The following ATM variants were observed in gnomAD, a reference collection of about 807,000 sequenced individuals.
ATM encodes ATM serine/threonine kinase.
In ATM, 308 loss-of-function variants were observed where a neutral mutation model predicts 387.0. The observed-to-expected ratio is 0.80, with a 90% CI of 0.73 to 0.87. The LOEUF (loss-of-function observed/expected upper bound fraction) is 0.87, where lower values mean the gene tolerates loss of function less well. Ranked by LOEUF, ATM falls within the 40% of genes least tolerant of loss-of-function variation. The pLI is 0.00. For missense variants in ATM, 3,312 were observed against 3,560.9 expected (o/e 0.93, Z 1.78); for synonymous variants, 1,156 against 1,187.3 (o/e 0.97, Z 0.54).
chr11:108,320,152 C>T, intron 44 of ATM, 94 bp downstream of exon 44: 1 of 967,576 alleles, frequency 1.0e-6, no homozygotes, highest in South Asian at 1.4e-5. Flanking sequence ...TAAGGATTTG[C>T]ATTGATGAAG....
At chr11:108,335,651 T>G (rs1279288505) in intron 55 of ATM, among the ~76,000 whole-genome samples, 194 bp from the exon 56 acceptor site, 1 of 152,166 alleles carries the variant, frequency 6.6e-6, no homozygotes, top group Non-Finnish European at 1.5e-5. Flanking sequence ...GAGGGGAAAC[T>G]TTCTAAATCA....
chr11:108,342,420 A>G (rs970058326), intron 56 of ATM, among the ~76,000 whole-genome samples: 1 of 152,210 alleles, frequency 6.6e-6, no homozygotes, highest in Non-Finnish European at 1.5e-5. Flanking sequence ...AGAAATATAC[A>G]TATAGTATCC....
At chr11:108,245,911 G>A (rs1266059569) in intron 7 of ATM, among the ~76,000 whole-genome samples, 1 of 144,454 alleles carries the variant, frequency 6.9e-6, no homozygotes, top group East Asian at 2.1e-4. Flanking sequence ...TGCAACCTCC[G>A]CCTCCTGGGT....
intron 4 of ATM, among the ~76,000 whole-genome samples, chr11:108,232,481 A>G (rs1283871016): frequency 2.0e-5 from 3 of 151,212 alleles, no homozygotes; most frequent in Non-Finnish European, 4.4e-5. Context: ...AAGAAGTAAA[A>G]GGCAGCTGAG....
At chr11:108,344,944 A>G (rs1292999281) in intron 57 of ATM, among the ~76,000 whole-genome samples, 4 of 152,024 alleles carry the variant, frequency 2.6e-5, no homozygotes, top group African/African-American at 7.2e-5. Context: ...CCAAAATTGC[A>G]GTGAGCTGTG....
Position 108,229,263 on chromosome 11 carries a change from CA to C in ATM, c.272del (p.Gln91ArgfsTer25). On this transcript the variant is annotated frameshift_variant, in exon 4 of 63. Transcript: ENST00000675843. LOFTEE classifies it high-confidence loss of function. Reference protein sequence around the residue: ...NVSASTQASRQKKMQEISSLV... With the variant: ...NVSASTQASRXKKMQEISSLV... ...ATCAGCCTCAACACAAGCCTCCAGG[CA>C]GAAAAAGATGCAGGAAATCAGTAGT... The C allele has an allele frequency of 6.2e-7, 1 of 1,613,402 alleles. No homozygotes were observed. Among genetic ancestry groups the C allele is most frequent in the Non-Finnish European group, 8.5e-7 (1 of 1,179,706 alleles).
chr11:108,287,852 C>T (rs2082575795), intron 27 of ATM, 137 bp downstream of exon 27: 2 of 645,588 alleles, frequency 3.1e-6, no homozygotes, highest in Non-Finnish European at 5.4e-6. Context: ...AAATAGCCAC[C>T]TTTGAATTGA....
At chr11:108,277,352 G>A (rs1158798492) in intron 22 of ATM, among the ~76,000 whole-genome samples, 3 of 152,146 alleles carry the variant, frequency 2.0e-5, no homozygotes, top group Non-Finnish European at 4.4e-5. Flanking sequence ...CCTGGCTTCA[G>A]CCCCCTTTCT....
intron 36 of ATM, among the ~76,000 whole-genome samples, chr11:108,303,501 G>A (rs759928531): frequency 2.0e-5 from 3 of 152,088 alleles, no homozygotes; most frequent in African/African-American, 4.8e-5. Context: ...CATCAAATGT[G>A]TAATCTAAAA....
At chr11:108,267,653 T>A (rs4987968) in intron 17 of ATM, among the ~76,000 whole-genome samples, 1 of 152,082 alleles carries the variant, frequency 6.6e-6, no homozygotes, top group Non-Finnish European at 1.5e-5. Flanking sequence ...GGTCAGGAGA[T>A]CAAGACCATC....
intron 26 of ATM, among the ~76,000 whole-genome samples, chr11:108,284,771 C>A (rs1388876210): frequency 1.3e-5 from 2 of 152,148 alleles, no homozygotes; most frequent in African/African-American, 4.8e-5. Flanking sequence ...CGAATGCAAA[C>A]TGGTTGTTAA....
chr11:108,292,859 G>T (rs1168081066), intron 30 of ATM, 66 bp downstream of exon 30: 2 of 1,554,316 alleles, frequency 1.3e-6, no homozygotes, highest in South Asian at 2.3e-5. Flanking sequence ...AAGGATTTGA[G>T]TGTTTTATGT....
rs370713089 is a variant in ATM, at chr11:108,257,462, T to C, written c.2251-19T>C. 3.6e-5 allele frequency: 58 copies of C among 1,611,156 alleles called. No homozygotes were observed. The African/African-American group carries it at 7.3e-4, about 20-fold the overall frequency. On this transcript the variant is annotated intron_variant, in intron 14 of 62. Transcript: ENST00000675843. ...ATAATTTTAACTGGAATTTGCATTT[T>C]TCCTTCTATTCACAATAGTCTCTAA...
chr11:108,257,831 G>A (rs2080602185), intron 15 of ATM, among the ~76,000 whole-genome samples: 1 of 152,026 alleles, frequency 6.6e-6, no homozygotes, highest in African/African-American at 2.4e-5. Flanking sequence ...TTGATCACTG[G>A]TTGGTGTTAC....
chr11:108,255,292 C>T (rs1480810095), intron 13 of ATM, among the ~76,000 whole-genome samples: 1 of 152,020 alleles, frequency 6.6e-6, no homozygotes, highest in African/African-American at 2.4e-5. Flanking sequence ...TAACCACTTT[C>T]ATTACAAAGT....
At position 108,229,193 on chromosome 11, in the gene ATM, T is replaced by C. The variant is rs1555055083; in HGVS notation, c.201T>C (p.Tyr67=). Residue 67 remains tyrosine (Y), a synonymous_variant, in exon 4 of 63, where the codon TAT becomes TAC. Transcript: ENST00000675843. ...WDAVFRFLQK[Y]IQKETECLRI... is the part of the protein sequence containing the mutation. ...TTTCTTGAAGATTTTTACAGAAATA[T>C]ATTCAGAAAGAAACAGAATGTCTGA... 1.2e-6 allele frequency: 2 copies of C among 1,612,432 alleles called. No homozygotes were observed. Among genetic ancestry groups the C allele is most frequent in the African/African-American group, 1.3e-5 (1 of 75,028 alleles).
intron 44 of ATM, 139 bp downstream of exon 44, chr11:108,320,197 C>T (rs2085101723): frequency 1.5e-6 from 1 of 685,294 alleles, no homozygotes; most frequent in South Asian, 1.8e-5. Flanking sequence ...CAGATGTTTC[C>T]TTGTAATTCT....
At chr11:108,360,207 A>G (rs1203615764) in intron 61 of ATM, among the ~76,000 whole-genome samples, 2 of 150,516 alleles carry the variant, frequency 1.3e-5, no homozygotes, top group South Asian at 4.2e-4. Flanking sequence ...AGAAATGGAT[A>G]AATTCCTCGA....
At chr11:108,271,432 T>A (rs1320494083) in intron 20 of ATM, 26 bp downstream of exon 20, 2 of 1,613,720 alleles carry the variant, frequency 1.2e-6, no homozygotes, top group African/African-American at 2.7e-5. Flanking sequence ...TTTGTGGTCC[T>A]ATTTTTCTTT....
Sources: allele counts gnomAD v4.1 joint callset (sites outside exome capture counted in the v4.1 genomes callset), GRCh38; gene constraint gnomAD v4.1.1; transcripts MANE v1.5; gene names NCBI Gene and HGNC (gene_info 2026-07-23, HGNC 2026-07-21).